The following PAPPA variants were observed in gnomAD, a reference collection of about 807,000 sequenced individuals.
PAPPA encodes pappalysin-1.
PAPPA carries 60 observed loss-of-function variants against 164.0 expected under a neutral mutation model. The observed-to-expected ratio is 0.37, with a 90% CI of 0.30 to 0.45. The LOEUF (loss-of-function observed/expected upper bound fraction) is 0.45, where lower values mean the gene tolerates loss of function less well. PAPPA is among the 20% of genes least tolerant of loss of function. PAPPA has a pLI of 1.00. For missense variants in PAPPA, 1,782 were observed against 2,087.3 expected, an observed-to-expected ratio of 0.85 and a Z score of 2.85; for synonymous variants, 875 against 814.1, an observed-to-expected ratio of 1.07 and a Z score of -1.27.
chr9:116,348,732 T>C (rs1346888883), intron 15 of PAPPA, among the ~76,000 whole-genome samples: 1 of 152,164 alleles, frequency 6.6e-6, no homozygotes, highest in Admixed American at 6.5e-5. Flanking sequence ...TAGCTCTCAT[T>C]TATAAGTGAG....
At chr9:116,360,245 CT>C (rs944495031) in intron 17 of PAPPA, among the ~76,000 whole-genome samples, 1 of 151,952 alleles carries the variant, frequency 6.6e-6, no homozygotes, top group Non-Finnish European at 1.5e-5. Flanking sequence ...ATCATGGGGC[CT>C]AGAGCCTGGG....
chr9:116,382,422 G>C lies in PAPPA; in HGVS notation c.4705G>C (p.Ala1569Pro). ...EPFMGDNYCD[A>P]INNRAFCNYD... Reference sequence around the variant, plus strand: ...CTTCATGGGAGACAATTATTGTGATGCCATCAACAACCGAGCCTTTTGCAA... The same window carrying C: ...CTTCATGGGAGACAATTATTGTGATCCCATCAACAACCGAGCCTTTTGCAA... The change falls in exon 21 of 22, where the codon GCC becomes CCC. Residue 1569 changes from alanine to proline, a missense_variant. Transcript: ENST00000328252. 6.2e-7 allele frequency: 1 copy of C among 1,613,472 alleles called. No homozygotes were observed. The highest frequency in any genetic ancestry group is 1.1e-5 in the South Asian group (1 of 91,064).
intron 10 of PAPPA, among the ~76,000 whole-genome samples, chr9:116,329,582 G>T (rs1352200634): frequency 6.6e-6 from 1 of 152,040 alleles, no homozygotes; most frequent in Non-Finnish European, 1.5e-5. Flanking sequence ...TGAATTTGAT[G>T]TATAGTTCTC....
rs763582139 is a variant in PAPPA at position 116,332,906 on chromosome 9, G to A, written c.3397+438G>A. 21 of 157,062 alleles carry A rather than the reference G, an allele frequency of 1.3e-4. No individual in the cohort carries two copies. The South Asian group carries it at 1.8e-3, about 13-fold the overall frequency. The allele number at this position is 157,062 out of a possible 1,614,324, so 9.7% of individuals were successfully genotyped here. On this transcript the variant is annotated intron_variant, in intron 12 of 21. Coordinates refer to ENST00000328252, the MANE Select transcript of PAPPA (RefSeq NM_002581.5). ...GCCTATTGCTTTTTACCCTATAACC[G>A]GGAGTGTTCATGACCCTCCACCCCA...
chr9:116,328,520 G>T (rs1336553239), intron 10 of PAPPA, among the ~76,000 whole-genome samples: 2 of 152,130 alleles, frequency 1.3e-5, no homozygotes. Context: ...AGTTACCAGT[G>T]ATATTCAGAG....
chr9:116,394,036 T>C (rs1328818066), intron 21 of PAPPA, among the ~76,000 whole-genome samples: 1 of 152,076 alleles, frequency 6.6e-6, no homozygotes, highest in East Asian at 1.9e-4. Flanking sequence ...TCATGGGTGT[T>C]TGAGCTCAAT....
chr9:116,180,035 T>C (rs879376383), intron 1 of PAPPA, among the ~76,000 whole-genome samples: 1 of 152,062 alleles, frequency 6.6e-6, no homozygotes, highest in Non-Finnish European at 1.5e-5. Context: ...ATCCTTTAAT[T>C]GAAGGGTCTG....
At position 116,399,373 on chromosome 9, in the gene PAPPA, G is replaced by A. The variant is rs535789163; in HGVS notation, c.*2757G>A. The A allele has an allele frequency of 1.3e-5, 2 of 152,594 alleles. No individual in the cohort carries two copies. The highest frequency in any genetic ancestry group is 2.9e-5 in the Non-Finnish European group (2 of 68,046). 9.5% of individuals were successfully genotyped at this position (152,594 alleles called of 1,614,324 possible). A position where few individuals can be genotyped will look rare whatever the true frequency, so the allele number is the denominator to read the frequency against. The stretch of plus-strand genomic sequence containing the variant: ...CCCACATGGAAGGTATCTTTAATAG[G>A]GTCTTTTCAAACCTTAGTGGAGGAG... On this transcript the variant is annotated 3_prime_UTR_variant, in exon 22 of 22. Transcript: ENST00000328252.
chr9:116,318,063 T>C (rs1263475582), intron 10 of PAPPA, among the ~76,000 whole-genome samples: 3 of 152,226 alleles, frequency 2.0e-5, no homozygotes, highest in Non-Finnish European at 2.9e-5. Context: ...TTTGGGAAAC[T>C]GGGTTTGTCA....
At chr9:116,336,282 CCT>C (rs983822369) in intron 13 of PAPPA, among the ~76,000 whole-genome samples, 1 of 152,104 alleles carries the variant, frequency 6.6e-6, no homozygotes, top group African/African-American at 2.4e-5. Flanking sequence ...TTCCCACGCC[CCT>C]GTTACCACAG....
intron 6 of PAPPA, among the ~76,000 whole-genome samples, chr9:116,231,831 G>A (rs1280705989): frequency 7.0e-6 from 1 of 143,148 alleles, no homozygotes; most frequent in African/African-American, 2.6e-5. Context: ...GCGTAATCTC[G>A]GCTCACTGCA....
At chr9:116,258,750 T>A in intron 7 of PAPPA, among the ~76,000 whole-genome samples, 1 of 152,254 alleles carries the variant, frequency 6.6e-6, no homozygotes, top group East Asian at 1.9e-4. Context: ...AAGGATTAAC[T>A]GTTATCTTAA....
intron 21 of PAPPA, 86 bp from the exon 22 acceptor site, chr9:116,396,423 C>T: frequency 2.7e-6 from 2 of 752,604 alleles, no homozygotes; most frequent in South Asian, 1.4e-5. Flanking sequence ...CTCCTCAAAT[C>T]CAGTGATTGT....
At chr9:116,207,357 G>C in intron 2 of PAPPA, 99 bp from the exon 3 acceptor site, 1 of 921,904 alleles carries the variant, frequency 1.1e-6, no homozygotes, top group South Asian at 1.9e-5. Context: ...AAAGTGCTTA[G>C]CAAAATGCCT....
In PAPPA at chr9:116,187,920, G is replaced by A. The variant is rs1843995293; in HGVS notation, c.1182G>A (p.Glu394=). The A allele has an allele frequency of 6.2e-7, 1 of 1,614,138 alleles. No individual in the cohort carries two copies. The highest frequency in any genetic ancestry group is 8.5e-7 in the Non-Finnish European group (1 of 1,180,038). Reference sequence around the variant, plus strand: ...TCAAGCAATACAACATCTCCTGGGAGCTGGACGTGCTGGAGGTGAGCAACT... The same window carrying A: ...TCAAGCAATACAACATCTCCTGGGAACTGGACGTGCTGGAGGTGAGCAACT... The part of the protein sequence containing the change: ...EAFKQYNISW[E]LDVLEVSNSS... The change falls in exon 2 of 22, where the codon GAG becomes GAA. Residue 394 remains glutamate, a synonymous_variant. Transcript: ENST00000328252. The surrounding 1 kb of genome is among the most constrained non-coding windows in gnomAD (Gnocchi z 4.2).
At chr9:116,216,623 A>G (rs1844375553) in intron 4 of PAPPA, among the ~76,000 whole-genome samples, 1 of 152,206 alleles carries the variant, frequency 6.6e-6, no homozygotes, top group Non-Finnish European at 1.5e-5. Flanking sequence ...TCTAGACATT[A>G]GCTAATTGAG....
At chr9:116,252,167 C>T (rs1252727133) in intron 7 of PAPPA, among the ~76,000 whole-genome samples, 3 of 152,210 alleles carry the variant, frequency 2.0e-5, no homozygotes, top group Non-Finnish European at 4.4e-5. Flanking sequence ...TGGAATTAAT[C>T]AGTCACATGT....
At chr9:116,207,336 G>A in intron 2 of PAPPA, 120 bp from the exon 3 acceptor site, 1 of 674,662 alleles carries the variant, frequency 1.5e-6, no homozygotes, top group South Asian at 2.2e-5. Flanking sequence ...ATTCAATAAG[G>A]TAGTATTTTT....
chr9:116,298,226 A>G (rs909594256), intron 9 of PAPPA, among the ~76,000 whole-genome samples: 9 of 152,246 alleles, frequency 5.9e-5, no homozygotes, highest in African/African-American at 2.2e-4. Flanking sequence ...GCTCCAGATA[A>G]ATGAAAATAA....
Sources: gnomAD v4.1 joint callset for allele counts (sites outside exome capture counted in the v4.1 genomes callset) on GRCh38, gnomAD v4.1.1 for gene constraint, Gnocchi (gnomAD v3.1) non-coding constraint, MANE v1.5 for transcripts, NCBI Gene and HGNC (gene_info 2026-07-23, HGNC 2026-07-21) for gene names.